Variants in MAST3 observed in about 807,000 individuals in gnomAD.
MAST3 encodes the protein microtubule associated serine/threonine kinase 3.
Under a neutral mutation model 127.0 loss-of-function variants are expected in MAST3, and 43 were observed. The ratio of observed to expected loss-of-function variants is 0.34; its 90% CI spans 0.27 to 0.44. The LOEUF (loss-of-function observed/expected upper bound fraction) is 0.44, where lower values mean the gene tolerates loss of function less well. MAST3 is among the 20% of genes least tolerant of loss of function. The pLI is 1.00. For synonymous variants in MAST3, 785 were observed against 809.2 expected, an observed-to-expected ratio of 0.97 and a Z score of 0.51; for missense variants, 1,390 against 1,919.1, an observed-to-expected ratio of 0.72 and a Z score of 5.15.
At chr19:18,115,133 G>T (rs2039080203) in intron 3 of MAST3, among the ~76,000 whole-genome samples, 1 of 152,122 alleles carries the variant, frequency 6.6e-6, no homozygotes, top group South Asian at 2.1e-4. Flanking sequence ...AGCCATGGAG[G>T]GTTTGTGAGC....
Position 18,144,112 on chromosome 19 carries a change from C to T in MAST3, c.2584+105C>T. On this transcript the variant is annotated intron_variant, in intron 22 of 27. Transcript: ENST00000687212. The surrounding 1 kb of genome is among the most constrained non-coding windows in gnomAD (Gnocchi z 4.0). Reference sequence around the variant, plus strand: ...ATGAGTAGGAGTTCTCCAGAGCCAACAAAGGCTTTAAGAGAGGAGAAGCCA... The same window carrying T: ...ATGAGTAGGAGTTCTCCAGAGCCAATAAAGGCTTTAAGAGAGGAGAAGCCA... 1 of 1,440,890 alleles carries T rather than the reference C, an allele frequency of 6.9e-7. No homozygotes were observed. The highest frequency in any genetic ancestry group is 2.5e-5 in the East Asian group (1 of 40,370). The allele number at this position is 1,440,890 out of a possible 1,614,324, so 89.3% of individuals were successfully genotyped here.
At chr19:18,133,364 G>A (rs981093661) in intron 15 of MAST3, among the ~76,000 whole-genome samples, 1 of 152,004 alleles carries the variant, frequency 6.6e-6, no homozygotes, top group Non-Finnish European at 1.5e-5. Context: ...ACCTGGCCCA[G>A]AACACTTTAT....
At position 18,144,388 on chromosome 19, in the gene MAST3, G is replaced by A. The variant is rs1423395860; in HGVS notation, c.2585-78G>A. 3 of 1,233,804 alleles carry A rather than the reference G, an allele frequency of 2.4e-6. No individual in the cohort carries two copies. The highest frequency in any genetic ancestry group is 3.4e-6 in the Non-Finnish European group (3 of 871,428). 76.4% of individuals were successfully genotyped at this position (1,233,804 alleles called of 1,614,324 possible). A position where few individuals can be genotyped will look rare whatever the true frequency, so the allele number is the denominator to read the frequency against. On this transcript the variant is annotated intron_variant, in intron 22 of 27. Transcript: ENST00000687212. This position sits in a 1 kb window ranked among gnomAD's most constrained non-coding sequence, Gnocchi z 4.0. ...GCTGGACTGTGTAAATAGTGACCAG[G>A]GAGGAAGGGCCTTAAGGTCCCTTTA...
chr19:18,129,768 T>C (rs1244720413), intron 13 of MAST3, among the ~76,000 whole-genome samples: 3 of 150,872 alleles, frequency 2.0e-5, no homozygotes, highest in Admixed American at 6.6e-5. Context: ...ATACTAAAAA[T>C]AGAATAATTA....
intron 27 of MAST3, 71 bp downstream of exon 27, chr19:18,147,695 G>A (rs1023466708): frequency 6.1e-6 from 7 of 1,142,126 alleles, no homozygotes; most frequent in Non-Finnish European, 8.6e-6. Flanking sequence ...CAGGAGGGAG[G>A]AAGGAGTTCA....
At chr19:18,111,915 T>G (rs2038695614) in intron 3 of MAST3, among the ~76,000 whole-genome samples, 1 of 152,224 alleles carries the variant, frequency 6.6e-6, no homozygotes, top group South Asian at 2.1e-4. Flanking sequence ...CAAGCACTTA[T>G]GAGGCACCTA....
intron 3 of MAST3, among the ~76,000 whole-genome samples, chr19:18,115,716 G>C (rs909202850): frequency 9.2e-5 from 14 of 152,152 alleles, no homozygotes; most frequent in Non-Finnish European, 4.4e-5. Flanking sequence ...CTGGCCTCCT[G>C]CTACCTTCAT....
chr19:18,138,732 C>T (rs1418324716), intron 19 of MAST3, among the ~76,000 whole-genome samples: 1 of 152,182 alleles, frequency 6.6e-6, no homozygotes, highest in Non-Finnish European at 1.5e-5. Context: ...CTCCTGACCT[C>T]AAGTGAGCCA....
chr19:18,098,903 T>G (rs1247209180), intron 1 of MAST3: 2 of 410,294 alleles, frequency 4.9e-6, no homozygotes, highest in Non-Finnish European at 9.9e-6. Flanking sequence ...GAGTGATCAG[T>G]TGTGATAAGG....
intron 19 of MAST3, among the ~76,000 whole-genome samples, chr19:18,137,606 G>A (rs891518996): frequency 6.6e-6 from 1 of 152,226 alleles, no homozygotes; most frequent in Non-Finnish European, 1.5e-5. Flanking sequence ...AGAAACCAAG[G>A]CACCAAGTGT....
chr19:18,149,221 C>A lies in MAST3; in HGVS notation c.3539C>A (p.Pro1180Gln). ...ACTGCATCCCCACCCAGCGCATCCCCGAGCTCCAGCAGCCCCGCCTCCCCA... is the reference window on the plus strand; with the variant it reads ...ACTGCATCCCCACCCAGCGCATCCCAGAGCTCCAGCAGCCCCGCCTCCCCA... ...DTTASPPSAS[P>Q]SSSSPASPAA... Residue 1180 changes from proline to glutamine, a missense_variant, in exon 28 of 28, where the codon CCG (proline) becomes CAG (glutamine). Around this residue, in one of 5 missense-constraint regions of MAST3, gnomAD observed 816 missense variants for 934.1 expected, o/e 0.87. Transcript: ENST00000687212. The surrounding 1 kb of genome is among the most constrained non-coding windows in gnomAD (Gnocchi z 5.9). The A allele has an allele frequency of 6.4e-7, 1 of 1,556,116 alleles. No homozygotes were observed. Among genetic ancestry groups the A allele is most frequent in the East Asian group, 2.6e-5 (1 of 39,044 alleles).
chr19:18,127,942 T>G (rs1024888922), intron 11 of MAST3, among the ~76,000 whole-genome samples: 8 of 152,146 alleles, frequency 5.3e-5, no homozygotes, highest in Admixed American at 5.2e-4. Context: ...GAGCAGGGAA[T>G]CAAACCCAGG....
intron 3 of MAST3, chr19:18,118,063 G>A: frequency 4.1e-6 from 4 of 982,118 alleles, no homozygotes; most frequent in Non-Finnish European, 4.8e-6. Context: ...AGCCCCGTGC[G>A]CCCCCCTCCC....
chr19:18,117,641 A>G (rs2039431214), intron 3 of MAST3, among the ~76,000 whole-genome samples: 1 of 152,216 alleles, frequency 6.6e-6, no homozygotes. Flanking sequence ...TGAGCCGGCC[A>G]GGACGCTGGG....
intron 1 of MAST3, among the ~76,000 whole-genome samples, chr19:18,100,401 C>T (rs2037493126): frequency 6.6e-6 from 1 of 152,010 alleles, no homozygotes; most frequent in South Asian, 2.1e-4. Context: ...GCTAGAATTA[C>T]AGGCGTGAGC....
intron 20 of MAST3, among the ~76,000 whole-genome samples, chr19:18,141,377 C>CTAGCTTTCTTTTTTT (rs2042457334): frequency 1.6e-5 from 2 of 122,772 alleles, no homozygotes; most frequent in African/African-American, 6.3e-5. Context: ...AGCCAGCTTT[C>CTAGCTTTCTTTTTTT]TTTTTTTTTT....
At chr19:18,119,937 T>C (rs1230708746) in intron 3 of MAST3, among the ~76,000 whole-genome samples, 1 of 152,238 alleles carries the variant, frequency 6.6e-6, no homozygotes, top group Admixed American at 6.5e-5. Context: ...GCCGCTGAGC[T>C]GCGTTGGCGG....
At chr19:18,100,464 T>C (rs1319942258) in intron 1 of MAST3, among the ~76,000 whole-genome samples, 5 of 151,942 alleles carry the variant, frequency 3.3e-5, no homozygotes, top group Non-Finnish European at 7.4e-5. Context: ...GAGGCTATAG[T>C]GAGCCATGAT....
intron 1 of MAST3, 52 bp from the exon 2 acceptor site, chr19:18,107,535 G>T: frequency 6.3e-7 from 1 of 1,593,254 alleles, no homozygotes. Flanking sequence ...ACGGCCAGGG[G>T]TTCTGAGGGC....
Sources: gnomAD v4.1 joint callset for allele counts (sites outside exome capture counted in the v4.1 genomes callset) on GRCh38, gnomAD v4.1.1 for gene constraint, gnomAD v4.1.1 regional missense constraint, Gnocchi (gnomAD v3.1) non-coding constraint, MANE v1.5 for transcripts, NCBI Gene and HGNC (gene_info 2026-07-23, HGNC 2026-07-21) for gene names.